The following MSRA variants were observed in gnomAD, a reference collection of about 807,000 sequenced individuals.
The protein encoded by MSRA is methionine sulfoxide reductase A, also known as mitochondrial peptide methionine sulfoxide reductase.
Under a neutral mutation model 31.3 loss-of-function variants are expected in MSRA, and 54 were observed. That is an observed-to-expected ratio of 1.73 (90% CI 1.39 to 2.17). MSRA has a LOEUF of 2.17. MSRA is among the 30% of genes most tolerant of loss of function. MSRA has a pLI of 0.00. For missense variants in MSRA, 507 were observed against 300.9 expected (o/e 1.69, Z -5.07); for synonymous variants, 169 against 116.5 (o/e 1.45, Z -2.90).
chr8:10,400,162 C>T (rs1807361709), intron 5 of MSRA, among the ~76,000 whole-genome samples: 2 of 151,886 alleles, frequency 1.3e-5, no homozygotes, highest in African/African-American at 4.8e-5. Flanking sequence ...CAAAGTCAGA[C>T]TTGCATGTTA....
chr8:10,355,166 C>T (rs1357888436), intron 5 of MSRA, among the ~76,000 whole-genome samples: 1 of 152,228 alleles, frequency 6.6e-6, no homozygotes, highest in African/African-American at 2.4e-5. Context: ...CTACGATGCC[C>T]CCAGCCTTTC....
At chr8:10,166,491 G>A (rs1344583769) in intron 1 of MSRA, among the ~76,000 whole-genome samples, 1 of 152,100 alleles carries the variant, frequency 6.6e-6, no homozygotes, top group African/African-American at 2.4e-5. Flanking sequence ...GTGTGTGCAT[G>A]CATATGTGTG....
chr8:10,229,642 C>G, intron 2 of MSRA, among the ~76,000 whole-genome samples: 1 of 152,066 alleles, frequency 6.6e-6, no homozygotes, highest in Non-Finnish European at 1.5e-5. Flanking sequence ...TACTGAGTAC[C>G]TCATAGATGA....
intron 3 of MSRA, among the ~76,000 whole-genome samples, chr8:10,280,969 A>G (rs1295888090): frequency 1.3e-5 from 2 of 152,216 alleles, no homozygotes; most frequent in Non-Finnish European, 2.9e-5. Flanking sequence ...TAGAGACAGA[A>G]ATAAGACACA....
intron 1 of MSRA, among the ~76,000 whole-genome samples, chr8:10,181,708 CT>C (rs1806555995): frequency 6.6e-6 from 1 of 152,096 alleles, no homozygotes; most frequent in Admixed American, 6.5e-5. Context: ...GATGAACTTG[CT>C]GGGTCATGAT....
chr8:10,056,961 C>G (rs1181802778), intron 1 of MSRA, among the ~76,000 whole-genome samples: 2 of 152,122 alleles, frequency 1.3e-5, no homozygotes, highest in African/African-American at 4.8e-5. Context: ...GTACCATTAC[C>G]AAATACTTGA....
At chr8:10,406,682 G>A (rs1299208316) in intron 5 of MSRA, among the ~76,000 whole-genome samples, 3 of 152,294 alleles carry the variant, frequency 2.0e-5, no homozygotes, top group East Asian at 1.9e-4. Flanking sequence ...CACAAAAGGT[G>A]GGTTTTCACA....
At chr8:10,115,696 G>A (rs955477533) in intron 1 of MSRA, among the ~76,000 whole-genome samples, 4 of 152,144 alleles carry the variant, frequency 2.6e-5, no homozygotes, top group African/African-American at 7.2e-5. Context: ...TTCCATTCAT[G>A]ATTAAGGAGG....
chr8:10,271,951 G>T (rs192549648), intron 3 of MSRA, among the ~76,000 whole-genome samples: 13 of 152,166 alleles, frequency 8.5e-5, no homozygotes, highest in Middle Eastern at 3.4e-3. Flanking sequence ...AAGGTGACCC[G>T]CACACCTCGA....
At chr8:10,390,724 G>A (rs1373080638) in intron 5 of MSRA, among the ~76,000 whole-genome samples, 1 of 152,058 alleles carries the variant, frequency 6.6e-6, no homozygotes, top group East Asian at 1.9e-4. Flanking sequence ...CCTGATGAGG[G>A]GATGGGCACT....
chr8:10,371,486 T>G lies in MSRA; in HGVS notation c.543+51497T>G, dbSNP rs146551350. Among the ~76,000 whole-genome samples the G allele has an allele frequency of 4.6e-5, 7 of 152,260 alleles. No individual in the cohort carries two copies. The East Asian group carries it at 1.4e-3, about 29-fold the overall frequency. On this transcript the variant is annotated intron_variant, in intron 5 of 5. Transcript: ENST00000317173. ...TTTAGGGGTGACATAATTGTTTACT[T>G]CTCGTTCTCAGGTTTTTGCCTGCAT... is the stretch of plus-strand genomic sequence containing the variant.
At chr8:10,248,276 A>G (rs149366445) in intron 3 of MSRA, among the ~76,000 whole-genome samples, 320 of 152,310 alleles carry the variant, frequency 2.1e-3, no homozygotes, top group African/African-American at 7.1e-3. Context: ...AAGCATAGAG[A>G]CCTGGATTGT....
chr8:10,107,349 T>C (rs1161958529), intron 1 of MSRA, among the ~76,000 whole-genome samples: 1 of 152,148 alleles, frequency 6.6e-6, no homozygotes, highest in African/African-American at 2.4e-5. Flanking sequence ...GGTCATTTAG[T>C]TTGCCTCCTT....
chr8:10,189,104 A>G (rs539253090), intron 1 of MSRA, among the ~76,000 whole-genome samples: 3 of 152,258 alleles, frequency 2.0e-5, no homozygotes, highest in African/African-American at 7.2e-5. Flanking sequence ...TCTCCCTAGT[A>G]TTTCATGTTA....
chr8:10,143,378 A>G (rs1379320571), intron 1 of MSRA, among the ~76,000 whole-genome samples: 1 of 152,144 alleles, frequency 6.6e-6, no homozygotes, highest in Non-Finnish European at 1.5e-5. Flanking sequence ...CCCTTCACGG[A>G]GTAATTTGCC....
intron 1 of MSRA, among the ~76,000 whole-genome samples, chr8:10,124,276 G>C (rs1801336152): frequency 6.6e-6 from 1 of 152,182 alleles, no homozygotes; most frequent in Admixed American, 6.5e-5. Flanking sequence ...GCTCCAAGAA[G>C]ATTGGCAGGC....
rs558187847 is a variant in MSRA at position 10,386,493 on chromosome 8, T to C, written c.544-41655T>C. Among the ~76,000 whole-genome samples the C allele has an allele frequency of 1.4e-4, 22 of 152,264 alleles. No individual in the cohort carries two copies. In the South Asian group the frequency reaches 4.4e-3, roughly 30 times the overall value. ...CAGTCTAACAACAGAGGAAAGGTAT[T>C]TCAAGGCCGTGAACCTTCAAATCTG... On this transcript the variant is annotated intron_variant, in intron 5 of 5. Coordinates refer to ENST00000317173, the MANE Select transcript of MSRA (RefSeq NM_012331.5).
chr8:10,375,245 G>A (rs1156604825), intron 5 of MSRA, among the ~76,000 whole-genome samples: 1 of 152,128 alleles, frequency 6.6e-6, no homozygotes, highest in African/African-American at 2.4e-5. Context: ...AAAACATTTA[G>A]GGAGAAACAA....
intron 1 of MSRA, among the ~76,000 whole-genome samples, chr8:10,065,622 A>G (rs1370374199): frequency 2.0e-5 from 3 of 152,076 alleles, no homozygotes; most frequent in Non-Finnish European, 2.9e-5. Flanking sequence ...TAACGATGGA[A>G]CTCAAGCCTG....
Sources: gnomAD v4.1 joint callset for allele counts (sites outside exome capture counted in the v4.1 genomes callset) on GRCh38, gnomAD v4.1.1 for gene constraint, MANE v1.5 for transcripts, NCBI Gene and HGNC (gene_info 2026-07-23, HGNC 2026-07-21) for gene names.